Variants in VPS13B observed in about 807,000 individuals in gnomAD.
The protein encoded by VPS13B is vacuolar protein sorting 13 homolog B.
Under a neutral mutation model 426.4 loss-of-function variants are expected in VPS13B, and 285 were observed. The observed-to-expected ratio is 0.67, with a 90% CI of 0.61 to 0.74. The LOEUF is 0.74. VPS13B is among the 30% of genes least tolerant of loss of function. The probability of loss-of-function intolerance (pLI) is 0.00; values close to 1 mark genes in which losing one functional copy is unlikely to be tolerated. For synonymous variants in VPS13B, 1,676 were observed against 1,676.4 expected, an observed-to-expected ratio of 1.00 and a Z score of 0.01; for missense variants, 4,537 against 4,782.6, an observed-to-expected ratio of 0.95 and a Z score of 1.51.
intron 39 of VPS13B, among the ~76,000 whole-genome samples, chr8:99,743,092 A>C (rs977230764): frequency 1.3e-5 from 2 of 152,224 alleles, no homozygotes; most frequent in African/African-American, 4.8e-5. Flanking sequence ...ATCTCAGCCC[A>C]AAATCTCCTT....
rs1467514566 is a variant in VPS13B, at chr8:99,835,710, C to A, written c.9914C>A (p.Ala3305Asp). 6.2e-7 allele frequency: 1 copy of A among 1,614,070 alleles called. No individual in the cohort carries two copies. The change falls in exon 54 of 62, where the codon GCC becomes GAC. Residue 3305 changes from alanine (A) to aspartate (D), a missense_variant. Physicochemically the swap from Ala to Asp is moderately radical, Grantham distance 126. Around this residue, in one of 2 missense-constraint regions of VPS13B, gnomAD observed 4,311 missense variants for 4,474.3 expected, o/e 0.96. Coordinates refer to ENST00000357162, the MANE Select transcript of VPS13B (RefSeq NM_152564.5). ...LDEVTTEWSDAIDINSQGTQV... is the reference protein window; with the variant it reads ...LDEVTTEWSDDIDINSQGTQV... Reference sequence around the variant, plus strand: ...GAAGTAACAACTGAGTGGAGTGATGCCATTGACATCAACAGTCAGGGAACA... The same window carrying A: ...GAAGTAACAACTGAGTGGAGTGATGACATTGACATCAACAGTCAGGGAACA...
Position 99,529,801 on chromosome 8 carries a change from C to A in VPS13B, c.4745+8791C>A, listed in dbSNP as rs186550304. Among the ~76,000 whole-genome samples the A allele has an allele frequency of 3.3e-5, 5 of 152,324 alleles. No individual in the cohort carries two copies. In the East Asian group the frequency reaches 9.6e-4, roughly 29 times the overall value. On this transcript the variant is annotated intron_variant, in intron 30 of 61. Coordinates refer to ENST00000357162, the MANE Select transcript of VPS13B (RefSeq NM_152564.5). ...CACTCTTAAACATTGTTTATCAATT[C>A]TCTGCTCAACACCTGTCATAGTGTT...
intron 27 of VPS13B, among the ~76,000 whole-genome samples, chr8:99,505,449 A>G (rs187287080): frequency 6.6e-6 from 1 of 152,240 alleles, no homozygotes; most frequent in Admixed American, 6.5e-5. Flanking sequence ...AATTGGCTTC[A>G]TTTCAATATT....
At chr8:99,621,655 T>G (rs1172727153) in intron 33 of VPS13B, among the ~76,000 whole-genome samples, 2 of 152,148 alleles carry the variant, frequency 1.3e-5, no homozygotes, top group African/African-American at 4.8e-5. Context: ...GTAAGATAAG[T>G]TATTTTTGTA....
intron 35 of VPS13B, among the ~76,000 whole-genome samples, chr8:99,686,922 C>G (rs1435824095): frequency 5.3e-5 from 8 of 151,998 alleles, no homozygotes; most frequent in Non-Finnish European, 2.9e-5. Context: ...TTTTCTCAAG[C>G]AGGAATCCCT....
At chr8:99,643,372 A>G (rs1829448454) in intron 34 of VPS13B, among the ~76,000 whole-genome samples, 1 of 152,166 alleles carries the variant, frequency 6.6e-6, no homozygotes, top group South Asian at 2.1e-4. Context: ...GCATTCAGAC[A>G]ATGTATCTAA....
At chr8:99,774,582 C>G (rs569148336) in intron 40 of VPS13B, among the ~76,000 whole-genome samples, 4 of 152,278 alleles carry the variant, frequency 2.6e-5, no homozygotes, top group Admixed American at 2.0e-4. Flanking sequence ...AATGCTCAAA[C>G]TGTGTACCCA....
intron 4 of VPS13B, among the ~76,000 whole-genome samples, chr8:99,100,343 T>G (rs1234068947): frequency 1.3e-5 from 2 of 151,990 alleles, no homozygotes; most frequent in Admixed American, 1.3e-4. Context: ...CAGGCTGGAG[T>G]GTGATGGTGC....
intron 37 of VPS13B, among the ~76,000 whole-genome samples, chr8:99,719,315 A>G (rs1384991523): frequency 6.6e-6 from 1 of 152,234 alleles, no homozygotes; most frequent in Non-Finnish European, 1.5e-5. Flanking sequence ...TCTCTTGACA[A>G]TTTAAAGGCT....
chr8:99,501,254 G>A (rs1364450635), intron 25 of VPS13B, among the ~76,000 whole-genome samples: 3 of 152,122 alleles, frequency 2.0e-5, no homozygotes, highest in Admixed American at 6.5e-5. Context: ...GGACTTTGTG[G>A]ATTGTAGCTT....
chr8:99,631,313 A>T (rs1828837116), intron 33 of VPS13B, among the ~76,000 whole-genome samples: 1 of 152,108 alleles, frequency 6.6e-6, no homozygotes, highest in African/African-American at 2.4e-5. Flanking sequence ...GTCTATAAAG[A>T]GGACTAGGTC....
intron 33 of VPS13B, among the ~76,000 whole-genome samples, chr8:99,635,287 T>C (rs138785563): frequency 6.6e-6 from 1 of 152,112 alleles, no homozygotes; most frequent in African/African-American, 2.4e-5. Context: ...CAGTTATATA[T>C]AGATGTGATT....
intron 43 of VPS13B, among the ~76,000 whole-genome samples, chr8:99,792,402 TACA>T: frequency 6.6e-6 from 1 of 152,130 alleles, no homozygotes; most frequent in African/African-American, 2.4e-5. Flanking sequence ...GAAGGGATTT[TACA>T]GATGTAATTA....
At chr8:99,734,676 A>G (rs987462042) in intron 39 of VPS13B, among the ~76,000 whole-genome samples, 2 of 152,222 alleles carry the variant, frequency 1.3e-5, no homozygotes, top group Non-Finnish European at 2.9e-5. Flanking sequence ...GACCAATTAC[A>G]GAGGAAAGGA....
intron 23 of VPS13B, among the ~76,000 whole-genome samples, chr8:99,449,730 A>T (rs1406782227): frequency 6.6e-6 from 1 of 152,220 alleles, no homozygotes; most frequent in East Asian, 1.9e-4. Flanking sequence ...AAATGTAGCC[A>T]ATAAGATAAG....
At chr8:99,190,158 A>T (rs1421120235) in intron 16 of VPS13B, among the ~76,000 whole-genome samples, 1 of 152,112 alleles carries the variant, frequency 6.6e-6, no homozygotes, top group African/African-American at 2.4e-5. Context: ...TTATGAAAAA[A>T]ATCTCTCTAT....
chr8:99,832,777 T>A, intron 52 of VPS13B, 125 bp downstream of exon 52: 1 of 955,040 alleles, frequency 1.0e-6, no homozygotes, highest in Non-Finnish European at 1.6e-6. Flanking sequence ...TATTTTTAAT[T>A]ACTTCTAGAC....
intron 33 of VPS13B, among the ~76,000 whole-genome samples, chr8:99,639,658 AT>A (rs1398049810): frequency 6.7e-6 from 1 of 148,210 alleles, no homozygotes; most frequent in Non-Finnish European, 1.5e-5. Flanking sequence ...ATATATATAT[AT>A]TATTATATAT....
chr8:99,053,147 A>G (rs560242202), intron 3 of VPS13B, among the ~76,000 whole-genome samples: 32 of 150,976 alleles, frequency 2.1e-4, no homozygotes, highest in African/African-American at 7.0e-4. Flanking sequence ...TTTATTTTTT[A>G]TTTTTAGTAT....
Sources: allele counts gnomAD v4.1 joint callset (sites outside exome capture counted in the v4.1 genomes callset), GRCh38; gene constraint gnomAD v4.1.1; regional missense constraint gnomAD v4.1.1; transcripts MANE v1.5; gene names NCBI Gene and HGNC (gene_info 2026-07-23, HGNC 2026-07-21).